Variants in TSPAN5 observed in about 807,000 individuals in gnomAD.
TSPAN5 encodes tetraspanin 5, also known as tetraspanin-5.
TSPAN5 carries 10 observed loss-of-function variants against 37.1 expected under a neutral mutation model. The observed-to-expected ratio is 0.27, with a 90% confidence interval of 0.17 to 0.46. The LOEUF (loss-of-function observed/expected upper bound fraction) is 0.46. Among genes scored for constraint, TSPAN5 ranks in the 20% least tolerant of loss-of-function variants. The pLI, the probability that TSPAN5 is intolerant of heterozygous loss-of-function variation, is 1.00. For missense variants in TSPAN5, 195 were observed against 326.6 expected, an observed-to-expected ratio of 0.60 and a Z score of 3.11; for synonymous variants, 110 against 118.9, an observed-to-expected ratio of 0.93 and a Z score of 0.48.
chr4:98,612,443 A>T (rs73832361), intron 1 of TSPAN5, among the ~76,000 whole-genome samples: 3,231 of 152,292 alleles, frequency 0.021, 91 homozygotes, highest in African/African-American at 0.074. Flanking sequence ...TCTTTTGCTT[A>T]AACTAATCTT....
intron 4 of TSPAN5, among the ~76,000 whole-genome samples, chr4:98,479,597 G>C (rs919532321): frequency 6.6e-6 from 1 of 152,198 alleles, no homozygotes; most frequent in African/African-American, 2.4e-5. Context: ...CTGTCCATAT[G>C]TATAAGACAG....
intron 1 of TSPAN5, among the ~76,000 whole-genome samples, chr4:98,563,485 T>C (rs1439773126): frequency 2.0e-5 from 3 of 152,176 alleles, no homozygotes; most frequent in Non-Finnish European, 4.4e-5. Context: ...TCAGTGTTTG[T>C]CCTTTGGCTC....
chr4:98,649,960 C>T (rs1309883968), intron 1 of TSPAN5, among the ~76,000 whole-genome samples: 1 of 152,200 alleles, frequency 6.6e-6, no homozygotes, highest in Non-Finnish European at 1.5e-5. Flanking sequence ...CGAACCCTGA[C>T]ATGCTCTTCA....
At chr4:98,634,256 C>G (rs1756808382) in intron 1 of TSPAN5, among the ~76,000 whole-genome samples, 1 of 152,164 alleles carries the variant, frequency 6.6e-6, no homozygotes, top group Admixed American at 6.5e-5. Flanking sequence ...AAGGGCTTGA[C>G]TGGCAGGGAG....
At chr4:98,604,644 A>C (rs1413368071) in intron 1 of TSPAN5, among the ~76,000 whole-genome samples, 1 of 152,272 alleles carries the variant, frequency 6.6e-6, no homozygotes, top group Admixed American at 6.5e-5. Flanking sequence ...CGAACAAACT[A>C]GAATAAGCCC....
Position 98,472,358 on chromosome 4 carries a change from A to T in TSPAN5, c.*164T>A. ...ATTTTTTTTTTTAATTCTGTCAGTGAGCAGCATTTCCCAGTTTTACACTCC... is the reference window on the plus strand; with the variant it reads ...ATTTTTTTTTTTAATTCTGTCAGTGTGCAGCATTTCCCAGTTTTACACTCC... On this transcript the variant is annotated 3_prime_UTR_variant, in exon 8 of 8. Transcript: ENST00000305798. The T allele has an allele frequency of 2.0e-6, 1 of 493,620 alleles. No individual in the cohort carries two copies. The highest frequency in any genetic ancestry group is 3.3e-5 in the East Asian group (1 of 30,754). 30.6% of individuals were successfully genotyped at this position (493,620 alleles called of 1,614,324 possible).
intron 1 of TSPAN5, among the ~76,000 whole-genome samples, chr4:98,562,138 A>G (rs1288007450): frequency 6.6e-6 from 1 of 152,166 alleles, no homozygotes; most frequent in Non-Finnish European, 1.5e-5. Context: ...GGTTATAAAT[A>G]AGGCTATAAA....
intron 1 of TSPAN5, among the ~76,000 whole-genome samples, chr4:98,584,891 A>G (rs1260432836): frequency 6.6e-6 from 1 of 152,198 alleles, no homozygotes; most frequent in African/African-American, 2.4e-5. Context: ...AATTCCTTCT[A>G]TCCACAACAA....
At chr4:98,595,611 G>T (rs1396698960) in intron 1 of TSPAN5, among the ~76,000 whole-genome samples, 2 of 133,156 alleles carry the variant, frequency 1.5e-5, no homozygotes, top group Admixed American at 1.5e-4. Flanking sequence ...CTTTGAATGC[G>T]TCCCAGAGAT....
intron 7 of TSPAN5, among the ~76,000 whole-genome samples, chr4:98,475,109 C>G (rs1014703449): frequency 1.3e-5 from 2 of 152,190 alleles, no homozygotes; most frequent in African/African-American, 4.8e-5. Flanking sequence ...AATTCTCCAA[C>G]TTTGTTTTAC....
At chr4:98,515,546 A>G (rs1753709668) in intron 1 of TSPAN5, among the ~76,000 whole-genome samples, 1 of 151,412 alleles carries the variant, frequency 6.6e-6, no homozygotes, top group Non-Finnish European at 1.5e-5. Flanking sequence ...CCTCTCCTGA[A>G]CTTCTGTATC....
chr4:98,508,633 T>C (rs1360262262), intron 1 of TSPAN5, among the ~76,000 whole-genome samples: 1 of 147,334 alleles, frequency 6.8e-6, no homozygotes, highest in Non-Finnish European at 1.5e-5. Context: ...TAACCGAGCC[T>C]CCTGCCTCAG....
intron 1 of TSPAN5, among the ~76,000 whole-genome samples, chr4:98,516,290 A>C (rs1753728091): frequency 6.6e-6 from 1 of 152,250 alleles, no homozygotes; most frequent in Admixed American, 6.5e-5. Context: ...AGGCTGGGCC[A>C]GAGTCTCCCA....
chr4:98,555,955 A>G (rs1317856299), intron 1 of TSPAN5, among the ~76,000 whole-genome samples: 1 of 151,868 alleles, frequency 6.6e-6, no homozygotes. Context: ...AAAGACTGAA[A>G]AATCACTCCA....
intron 2 of TSPAN5, among the ~76,000 whole-genome samples, chr4:98,501,710 T>C (rs1331572269): frequency 6.6e-6 from 1 of 152,036 alleles, no homozygotes; most frequent in Non-Finnish European, 1.5e-5. Context: ...AGTAGGACCA[T>C]AGGACACAGT....
chr4:98,558,547 G>C (rs1754804369), intron 1 of TSPAN5, among the ~76,000 whole-genome samples: 1 of 152,216 alleles, frequency 6.6e-6, no homozygotes, highest in Non-Finnish European at 1.5e-5. Context: ...GGCACTTGAA[G>C]AGATTGGTTT....
chr4:98,571,838 CA>C (rs1755128456), intron 1 of TSPAN5, among the ~76,000 whole-genome samples: 1 of 152,178 alleles, frequency 6.6e-6, no homozygotes, highest in Admixed American at 6.5e-5. Flanking sequence ...AAACAAGTAA[CA>C]ATATGTACTA....
At chr4:98,486,662 C>A in intron 3 of TSPAN5, 76 bp downstream of exon 3, 5 of 1,556,974 alleles carry the variant, frequency 3.2e-6, no homozygotes, top group Non-Finnish European at 4.4e-6. Context: ...CACTGTCTTG[C>A]CTGTAGATAG....
At chr4:98,646,214 C>CA (rs749494572) in intron 1 of TSPAN5, among the ~76,000 whole-genome samples, 3 of 152,126 alleles carry the variant, frequency 2.0e-5, no homozygotes, top group East Asian at 1.9e-4. Context: ...TAGTTCAATC[C>CA]AAAATCCTAG....
Sources: allele counts gnomAD v4.1 joint callset (sites outside exome capture counted in the v4.1 genomes callset), GRCh38; gene constraint gnomAD v4.1.1; transcripts MANE v1.5; gene names NCBI Gene and HGNC (gene_info 2026-07-23, HGNC 2026-07-21).